ESRP2: variants seen among roughly 807,000 people sequenced by gnomAD.
ESRP2 encodes the protein RNA binding motif protein 35A.
Under a neutral mutation model 78.6 loss-of-function variants are expected in ESRP2, and 48 were observed. The ratio of observed to expected loss-of-function variants is 0.61; its 90% CI spans 0.48 to 0.78. The LOEUF is 0.78. Among genes scored for constraint, ESRP2 ranks in the 30% least tolerant of loss-of-function variants. ESRP2 has a pLI of 0.00. For synonymous variants in ESRP2, 383 were observed against 406.7 expected (o/e 0.94, Z 0.70); for missense variants, 863 against 965.9 (o/e 0.89, Z 1.41).
Position 68,231,356 on chromosome 16 carries a change from G to A in ESRP2, c.1533C>T (p.Ala511=). 6.2e-7 allele frequency: 1 copy of A among 1,614,152 alleles called. No homozygotes were observed. Among genetic ancestry groups the A allele is most frequent in the Non-Finnish European group, 8.5e-7 (1 of 1,180,006 alleles). ...LNQQGRPSGD[A]FIQMTSAERA... ...GCTCTGCTGATGTCATCTGAATGAA[G>A]GCATCGCCCGATGGCCGGCCCTGTG... is the stretch of plus-strand genomic sequence containing the variant. Residue 511 remains alanine (A), a synonymous_variant, in exon 12 of 15, where the codon GCC becomes GCT. Transcript: ENST00000473183. This position sits in a 1 kb window ranked among gnomAD's most constrained non-coding sequence, Gnocchi z 6.0.
At position 68,233,748 on chromosome 16, in the gene ESRP2, C is replaced by A; in HGVS notation, c.556+20G>T. ...ACCCACAGTGGCTTCTCCACCCTAA[C>A]CCTGCTGGGTCACAGATACCCTGTG... On this transcript the variant is annotated intron_variant, in intron 4 of 14. Transcript: ENST00000473183. 3.8e-6 allele frequency: 6 copies of A among 1,593,726 alleles called. No homozygotes were observed. The highest frequency in any genetic ancestry group is 5.2e-6 in the Non-Finnish European group (6 of 1,162,424).
rs200159546 is a variant in ESRP2 at position 68,232,770 on chromosome 16, G to C, written c.701C>G (p.Thr234Arg). The C allele has an allele frequency of 4.9e-5, 79 of 1,614,104 alleles. No homozygotes were observed. Among genetic ancestry groups the C allele is most frequent in the Non-Finnish European group, 6.4e-5 (75 of 1,180,028 alleles). Residue 234 changes from threonine (T) to arginine (R), a missense_variant, in exon 6 of 15, where the codon ACG becomes AGG. Thr to Arg is a moderately conservative substitution (Grantham distance 71, BLOSUM62 -1). Transcript: ENST00000473183. The surrounding 1 kb of genome is among the most constrained non-coding windows in gnomAD (Gnocchi z 5.2). ...KPEVIKQKYE[T>R]GPCSKADVVD... ...CTGCTCCCACACTCACCAAGGCCCC[G>C]TCTCGTATTTCTGCTTTATCACCTC...
At position 68,234,243 on chromosome 16, in the gene ESRP2, G is replaced by A. The variant is rs1161016538; in HGVS notation, c.328-136C>T. 3 of 663,332 alleles carry A rather than the reference G, an allele frequency of 4.5e-6. No individual in the cohort carries two copies. The Admixed American group carries it at 8.2e-5, about 18-fold the overall frequency. The allele number at this position is 663,332 out of a possible 1,614,324, so 41.1% of individuals were successfully genotyped here. A position where few individuals can be genotyped will look rare whatever the true frequency, so the allele number is the denominator to read the frequency against. On this transcript the variant is annotated intron_variant, in intron 2 of 14. Transcript: ENST00000473183. ...AGCCCTATCCTGCCTGGGAATAAGAGGCCACGCCTGTTGAGCCTAGCCCTA... is the reference window on the plus strand; with the variant it reads ...AGCCCTATCCTGCCTGGGAATAAGAAGCCACGCCTGTTGAGCCTAGCCCTA...
Position 68,230,507 on chromosome 16 carries a change from G to T in ESRP2, c.1946C>A (p.Ala649Asp). The T allele has an allele frequency of 6.2e-7, 1 of 1,605,964 alleles. No homozygotes were observed. ...TGAGGTGGGAGCAGAGGCCAGGGCA[G>T]CAGTGGGTGTAGTGAGGTAGCCCAC... ...TTVGYLTTPTAALASAPTSVL... is the reference protein window; with the variant it reads ...TTVGYLTTPTDALASAPTSVL... Residue 649 changes from alanine (A) to aspartate (D), a missense_variant, in exon 14 of 15, where the codon GCT becomes GAT. By Grantham distance (126) the Ala-to-Asp change is moderately radical (BLOSUM62 -2). Transcript: ENST00000473183.
rs545442165 is a variant in ESRP2, at chr16:68,232,697, C to T, written c.711-10G>A. 1.2e-6 allele frequency: 2 copies of T among 1,614,230 alleles called. No individual in the cohort carries two copies. The highest frequency in any genetic ancestry group is 2.7e-5 in the African/African-American group (2 of 75,060). The stretch of plus-strand genomic sequence containing the variant: ...CACATCAGCCTTGCTGCTGTAGGGG[C>T]AGGGCACAGTGCTGTCAGAGCTATT... On this transcript the variant is annotated splice_polypyrimidine_tract_variant and intron_variant, in intron 6 of 14. Coordinates refer to ENST00000473183, the MANE Select transcript of ESRP2 (RefSeq NM_024939.3). The surrounding 1 kb of genome is among the most constrained non-coding windows in gnomAD (Gnocchi z 5.2).
At position 68,232,737 on chromosome 16, in the gene ESRP2, C is replaced by A; in HGVS notation, c.710+24G>T. ...TCAGAGCTATTCAGCTGTTGTCACC[C>A]CCAGCCCCTGCTCCCACACTCACCA... is the stretch of plus-strand genomic sequence containing the variant. On this transcript the variant is annotated intron_variant, in intron 6 of 14. Transcript: ENST00000473183. The surrounding 1 kb of genome is among the most constrained non-coding windows in gnomAD (Gnocchi z 5.2). 6.2e-7 allele frequency: 1 copy of A among 1,614,210 alleles called. No homozygotes were observed. Among genetic ancestry groups the A allele is most frequent in the Non-Finnish European group, 8.5e-7 (1 of 1,180,034 alleles).
Position 68,235,784 on chromosome 16 carries a change from G to C in ESRP2, c.199-22C>G, listed in dbSNP as rs1490755397. 6.2e-7 allele frequency: 1 copy of C among 1,608,502 alleles called. No individual in the cohort carries two copies. The highest frequency in any genetic ancestry group is 8.5e-7 in the Non-Finnish European group (1 of 1,178,176). ...CCACCTGTGAGCGGCGGGGGAAACC[G>C]ATCAGCCGCGCCCCTCGACCCCGGA... On this transcript the variant is annotated intron_variant, in intron 1 of 14. Transcript: ENST00000473183. This position sits in a 1 kb window ranked among gnomAD's most constrained non-coding sequence, Gnocchi z 5.5.
chr16:68,231,494 C>T lies in ESRP2; in HGVS notation c.1500G>A (p.Val500=). 1 of 1,614,048 alleles carries T rather than the reference C, an allele frequency of 6.2e-7. No homozygotes were observed. The highest frequency in any genetic ancestry group is 1.1e-5 in the South Asian group (1 of 91,090). Residue 500 remains valine (V), a synonymous_variant, in exon 11 of 15, where the codon GTG becomes GTA. Coordinates refer to ENST00000473183, the MANE Select transcript of ESRP2 (RefSeq NM_024939.3). This position sits in a 1 kb window ranked among gnomAD's most constrained non-coding sequence, Gnocchi z 6.0. ...GCAGTGGCTTCACCTGCTGGTTGAG[C>T]ACCATGTGTACACCGTGGGGCCGAA... ...ADIRPHGVHM[V]LNQQGRPSGD... is the part of the protein sequence containing the mutation.
At position 68,232,662 on chromosome 16, in the gene ESRP2, C is replaced by T. The variant is rs1202499985; in HGVS notation, c.736G>A (p.Glu246Lys). The T allele has an allele frequency of 6.2e-7, 1 of 1,614,236 alleles. No individual in the cohort carries two copies. The highest frequency in any genetic ancestry group is 1.7e-5 in the Admixed American group (1 of 60,026). Residue 246 changes from glutamate (E) to lysine (K), a missense_variant, in exon 7 of 15, where the codon GAG (glutamate) becomes AAG (lysine). Coordinates refer to ENST00000473183, the MANE Select transcript of ESRP2 (RefSeq NM_024939.3). This position sits in a 1 kb window ranked among gnomAD's most constrained non-coding sequence, Gnocchi z 5.2. ...AACCCACGAGCCCGTACCACAGTCT[C>T]ACTGTCCACCACATCAGCCTTGCTG... Reference protein sequence around the residue: ...PCSKADVVDSETVVRARGLPW... With the variant: ...PCSKADVVDSKTVVRARGLPW...
At chr16:68,233,923 C>T in intron 3 of ESRP2, 41 bp from the exon 4 acceptor site, 2 of 1,605,222 alleles carry the variant, frequency 1.2e-6, no homozygotes, top group East Asian at 2.2e-5. Context: ...CCTGCCCACC[C>T]TCAGGACAAG....
In ESRP2 at chr16:68,230,297, T is replaced by G; in HGVS notation, c.2083A>C (p.Thr695Pro). ...GGGTCACCAACAGGCATCAGACTGG[T>G]GTAGTCATCAGCGGGTAGCTACAGA... Reference protein sequence around the residue: ...QAYQLPADDYTSLMPVGDPPR... With the variant: ...QAYQLPADDYPSLMPVGDPPR... The change falls in exon 15 of 15, where the codon ACC (threonine) becomes CCC (proline). Residue 695 changes from threonine to proline, a missense_variant. Transcript: ENST00000473183. 6.2e-7 allele frequency: 1 copy of G among 1,614,208 alleles called. No individual in the cohort carries two copies. The highest frequency in any genetic ancestry group is 8.5e-7 in the Non-Finnish European group (1 of 1,180,026).
rs907282912 is a variant in ESRP2, at chr16:68,233,348, G to A, written c.634C>T (p.His212Tyr). The A allele has an allele frequency of 3.7e-6, 6 of 1,613,778 alleles. No homozygotes were observed. The highest frequency in any genetic ancestry group is 1.1e-5 in the South Asian group (1 of 91,082). Residue 212 changes from histidine to tyrosine, a missense_variant, in exon 5 of 15, where the codon CAT (histidine) becomes TAT (tyrosine). Transcript: ENST00000473183. The stretch of plus-strand genomic sequence containing the variant: ...TTACTGCTGGGCTCTTTGAGTAGAT[G>A]GAGGATAACAGCTACCATTGTCTTG... The part of the protein sequence containing the change: ...EVKTMVAVIL[H>Y]LLKEPSSQLF...
chr16:68,231,213 C>T lies in ESRP2; in HGVS notation c.1676G>A (p.Arg559His), dbSNP rs949284278. 1.7e-5 allele frequency: 28 copies of T among 1,613,476 alleles called. No individual in the cohort carries two copies. Among genetic ancestry groups the T allele is most frequent in the Admixed American group, 3.3e-5 (2 of 60,004 alleles). ...SRVLMGGTLGRSGMSPPPCKL... is the reference protein window; with the variant it reads ...SRVLMGGTLGHSGMSPPPCKL... ...GCAGGGTGGAGGGGACATGCCACTG[C>T]GGCCCAAGGTGCCCCCCATCAGCAC... Residue 559 changes from arginine to histidine, a missense_variant, in exon 12 of 15, where the codon CGC becomes CAC. Coordinates refer to ENST00000473183, the MANE Select transcript of ESRP2 (RefSeq NM_024939.3). The surrounding 1 kb of genome is among the most constrained non-coding windows in gnomAD (Gnocchi z 6.0).
chr16:68,232,285 A>G lies in ESRP2; in HGVS notation c.958T>C (p.Tyr320His), dbSNP rs936145335. The G allele has an allele frequency of 1.2e-6, 2 of 1,614,152 alleles. No individual in the cohort carries two copies. Among genetic ancestry groups the G allele is most frequent in the Non-Finnish European group, 1.7e-6 (2 of 1,180,020 alleles). The change falls in exon 9 of 15, where the codon TAT (tyrosine) becomes CAT (histidine). Residue 320 changes from tyrosine (Y) to histidine (H), a missense_variant. Coordinates refer to ENST00000473183, the MANE Select transcript of ESRP2 (RefSeq NM_024939.3). This position sits in a 1 kb window ranked among gnomAD's most constrained non-coding sequence, Gnocchi z 5.2. Reference protein sequence around the residue: ...HHMGVRYIEVYKATGEEFVKI... With the variant: ...HHMGVRYIEVHKATGEEFVKI... Reference sequence around the variant, plus strand: ...ACAAACTCCTCCCCTGTCGCTTTATACACCTGTGGGTACAGAGAGCAGCAG... The same window carrying G: ...ACAAACTCCTCCCCTGTCGCTTTATGCACCTGTGGGTACAGAGAGCAGCAG...
rs766802916 is a variant in ESRP2 at position 68,230,423 on chromosome 16, A to G, written c.2030T>C (p.Met677Thr). 1.2e-6 allele frequency: 2 copies of G among 1,613,400 alleles called. No homozygotes were observed. The highest frequency in any genetic ancestry group is 8.5e-7 in the Non-Finnish European group (1 of 1,179,514). Residue 677 changes from methionine to threonine, a missense_variant, in exon 14 of 15, where the codon ATG becomes ACG. Physicochemically the swap from Met to Thr is moderately conservative, Grantham distance 81. Transcript: ENST00000473183. ...CTGGAAGACGCTGAGCAGATCCTTC[A>G]TACCAGCCGTGTATGGGACACCCTG... The part of the protein sequence containing the change: ...RMQGVPYTAG[M>T]KDLLSVFQAY...
In ESRP2 at chr16:68,232,268, CT is replaced by C; in HGVS notation, c.974del (p.Glu325GlyfsTer4). On this transcript the variant is annotated frameshift_variant, in exon 9 of 15. Coordinates refer to ENST00000473183, the MANE Select transcript of ESRP2 (RefSeq NM_024939.3). LOFTEE classifies it high-confidence loss of function. This position sits in a 1 kb window ranked among gnomAD's most constrained non-coding sequence, Gnocchi z 5.2. ...RYIEVYKATG[E>X]EFVKIAGGTS... Reference sequence around the variant, plus strand: ...CACCCCCTGCAATCTTTACAAACTCCTCCCCTGTCGCTTTATACACCTGTGG... The same window carrying C: ...CACCCCCTGCAATCTTTACAAACTCCCCCCTGTCGCTTTATACACCTGTGG... 2 of 1,614,208 alleles carry C rather than the reference CT, an allele frequency of 1.2e-6. No individual in the cohort carries two copies. The highest frequency in any genetic ancestry group is 1.7e-6 in the Non-Finnish European group (2 of 1,180,028).
Position 68,232,158 on chromosome 16 carries a change from A to G in ESRP2, c.998-55T>C, listed in dbSNP as rs1363053619. The G allele has an allele frequency of 2.5e-6, 4 of 1,612,572 alleles. No homozygotes were observed. The highest frequency in any genetic ancestry group is 3.4e-6 in the Non-Finnish European group (4 of 1,179,036). ...CTCATGCTCCTCCAGACACTCACCC[A>G]TGCAGGGGAGCAGGCAGGCAAGGGG... is the stretch of plus-strand genomic sequence containing the variant. On this transcript the variant is annotated intron_variant, in intron 9 of 14. Coordinates refer to ENST00000473183, the MANE Select transcript of ESRP2 (RefSeq NM_024939.3). The surrounding 1 kb of genome is among the most constrained non-coding windows in gnomAD (Gnocchi z 5.2).
intron 4 of ESRP2, 67 bp downstream of exon 4, chr16:68,233,701 A>G: frequency 8.6e-7 from 1 of 1,164,254 alleles, no homozygotes; most frequent in South Asian, 1.3e-5. Flanking sequence ...CACCCACAGC[A>G]TGCACATACT....
In ESRP2 at chr16:68,232,446, G is replaced by A; in HGVS notation, c.879C>T (p.Ile293=). 1 of 1,614,142 alleles carries A rather than the reference G, an allele frequency of 6.2e-7. No individual in the cohort carries two copies. The highest frequency in any genetic ancestry group is 8.5e-7 in the Non-Finnish European group (1 of 1,180,024). Reference sequence around the variant, plus strand: ...CCCGCTGCTCGCTGTCCACAAAGCGGATGAGGGCCTCGCCATTTCTGCGGC... The same window carrying A: ...CCCGCTGCTCGCTGTCCACAAAGCGAATGAGGGCCTCGCCATTTCTGCGGC... The part of the protein sequence containing the change: ...AQGRRNGEAL[I]RFVDSEQRDL... Residue 293 remains isoleucine, a synonymous_variant, in exon 8 of 15, where the codon ATC becomes ATT. Coordinates refer to ENST00000473183, the MANE Select transcript of ESRP2 (RefSeq NM_024939.3). This position sits in a 1 kb window ranked among gnomAD's most constrained non-coding sequence, Gnocchi z 5.2.
Sources: allele counts gnomAD v4.1 joint callset, GRCh38; gene constraint gnomAD v4.1.1; non-coding constraint Gnocchi (gnomAD v3.1); transcripts MANE v1.5; gene names NCBI Gene and HGNC (gene_info 2026-07-23, HGNC 2026-07-21).